SLC39A11: variants seen among roughly 807,000 people sequenced by gnomAD.
SLC39A11 encodes zinc transporter ZIP11.
Under a neutral mutation model 36.1 loss-of-function variants are expected in SLC39A11, and 33 were observed. That is an observed-to-expected ratio of 0.91 (90% CI 0.69 to 1.22). The LOEUF is 1.22. Among genes scored for constraint, SLC39A11 ranks in the 50% most tolerant of loss-of-function variants. The pLI is 0.00. For missense variants in SLC39A11, 432 were observed against 430.3 expected (o/e 1.00, Z -0.03); for synonymous variants, 166 against 170.3 (o/e 0.97, Z 0.20).
intron 6 of SLC39A11, among the ~76,000 whole-genome samples, chr17:72,799,280 A>T (rs191473222): frequency 1.3e-5 from 2 of 152,308 alleles, no homozygotes; most frequent in Admixed American, 6.5e-5. Context: ...GATGTATGTC[A>T]CCTCGGGACC....
intron 7 of SLC39A11, among the ~76,000 whole-genome samples, chr17:72,706,164 T>G (rs2072886326): frequency 6.6e-6 from 1 of 152,174 alleles, no homozygotes; most frequent in Admixed American, 6.5e-5. Flanking sequence ...CGTGTTTGTT[T>G]TCCTTCTGAT....
intron 4 of SLC39A11, among the ~76,000 whole-genome samples, chr17:72,951,434 T>C (rs934657818): frequency 6.6e-6 from 1 of 152,118 alleles, no homozygotes; most frequent in Non-Finnish European, 1.5e-5. Context: ...CTAGGAAGAC[T>C]CCCTGCTCAC....
chr17:72,982,248 G>C (rs1200647169), intron 4 of SLC39A11, among the ~76,000 whole-genome samples: 1 of 152,110 alleles, frequency 6.6e-6, no homozygotes, highest in Non-Finnish European at 1.5e-5. Flanking sequence ...GCTCAAGGAA[G>C]GGCAACTTGA....
At chr17:72,806,695 G>A (rs1474140122) in intron 6 of SLC39A11, among the ~76,000 whole-genome samples, 1 of 152,096 alleles carries the variant, frequency 6.6e-6, no homozygotes, top group Non-Finnish European at 1.5e-5. Context: ...TGATTCTCCC[G>A]CCTCAGCCTC....
intron 7 of SLC39A11, among the ~76,000 whole-genome samples, chr17:72,674,127 C>T (rs2071148820): frequency 6.6e-6 from 1 of 152,092 alleles, no homozygotes; most frequent in East Asian, 1.9e-4. Flanking sequence ...CCTCCTCACC[C>T]TTGTTCCCCA....
chr17:72,941,919 C>T (rs992558689), intron 5 of SLC39A11, among the ~76,000 whole-genome samples: 13 of 151,524 alleles, frequency 8.6e-5, no homozygotes, highest in African/African-American at 2.7e-4. Context: ...CTCACTCTGT[C>T]GCCCAGGCTG....
intron 3 of SLC39A11, among the ~76,000 whole-genome samples, chr17:73,042,647 A>G (rs1448571506): frequency 6.6e-6 from 1 of 152,176 alleles, no homozygotes; most frequent in African/African-American, 2.4e-5. Flanking sequence ...CTAAAAATAC[A>G]AAAATCAGCC....
intron 3 of SLC39A11, among the ~76,000 whole-genome samples, chr17:73,062,475 A>AAAAAAAAAAAAAAAAAAAACC (rs56021607): frequency 2.3e-4 from 20 of 87,044 alleles, no homozygotes; most frequent in Non-Finnish European, 4.1e-4. Flanking sequence ...AAAAAAAAAA[A>AAAAAAAAAAAAAAAAAAAACC]AAACTTTAGG....
chr17:72,850,800 T>C (rs964995023), intron 5 of SLC39A11, among the ~76,000 whole-genome samples: 1 of 152,144 alleles, frequency 6.6e-6, no homozygotes, highest in Non-Finnish European at 1.5e-5. Context: ...AAGTGCTGAT[T>C]GTATTGATGG....
intron 5 of SLC39A11, among the ~76,000 whole-genome samples, chr17:72,853,496 A>C (rs1246056885): frequency 6.6e-6 from 1 of 152,012 alleles, no homozygotes; most frequent in African/African-American, 2.4e-5. Context: ...CCGCACAGAG[A>C]GCAACAGACC....
intron 6 of SLC39A11, among the ~76,000 whole-genome samples, chr17:72,778,212 T>C (rs1358874579): frequency 6.6e-6 from 1 of 152,128 alleles, no homozygotes; most frequent in African/African-American, 2.4e-5. Context: ...GCCCATTGTC[T>C]CATTTATCCC....
chr17:72,877,823 ATTAT>A (rs1432864730), intron 5 of SLC39A11, among the ~76,000 whole-genome samples: 2 of 151,120 alleles, frequency 1.3e-5, no homozygotes, highest in Non-Finnish European at 2.9e-5. Flanking sequence ...ATTTATTATT[ATTAT>A]TATTATTATA....
At chr17:72,738,913 G>A (rs754971714) in intron 6 of SLC39A11, among the ~76,000 whole-genome samples, 3 of 152,164 alleles carry the variant, frequency 2.0e-5, no homozygotes, top group Non-Finnish European at 4.4e-5. Flanking sequence ...CTGGGGACAA[G>A]AAGGCAGCGG....
chr17:72,965,040 C>G (rs2466507), intron 4 of SLC39A11, among the ~76,000 whole-genome samples: 141,487 of 151,472 alleles, frequency 0.93, 66,373 homozygotes, highest in Middle Eastern at 0.99. Flanking sequence ...CTCATAGGTG[C>G]GAATTGAACA....
chr17:72,741,066 G>A (rs114376897), intron 6 of SLC39A11, among the ~76,000 whole-genome samples: 3,141 of 152,108 alleles, frequency 0.021, 103 homozygotes, highest in African/African-American at 0.071. Context: ...GAGCCACTGC[G>A]CCCCACCCAA....
chr17:72,707,961 G>T lies in SLC39A11; in HGVS notation c.671+28689C>A, dbSNP rs115718433. Among the ~76,000 whole-genome samples, 1,130 of 152,284 alleles carry T rather than the reference G, an allele frequency of 7.4e-3. 10 individuals are homozygous for T. The highest frequency in any genetic ancestry group is 0.025 in the African/African-American group (1,041 of 41,564). On this transcript the variant is annotated intron_variant, in intron 7 of 9. Transcript: ENST00000255559. ...CACATAATCAATTCTAATTTCTGCA[G>T]AACAATAACTACACTATAATAATTT...
At chr17:72,822,697 C>T (rs2077844056) in intron 6 of SLC39A11, among the ~76,000 whole-genome samples, 1 of 151,000 alleles carries the variant, frequency 6.6e-6, no homozygotes, top group Non-Finnish European at 1.5e-5. Flanking sequence ...GTGGCAAACA[C>T]TTCCAACCCT....
At chr17:72,733,707 G>A (rs943026890) in intron 7 of SLC39A11, among the ~76,000 whole-genome samples, 3 of 152,200 alleles carry the variant, frequency 2.0e-5, no homozygotes, top group African/African-American at 7.2e-5. Context: ...ATCTTACAGT[G>A]TCAGTGCCTT....
In SLC39A11 at chr17:72,689,522, G is replaced by A. The variant is rs925310671; in HGVS notation, c.672-40254C>T. Among the ~76,000 whole-genome samples the A allele has an allele frequency of 5.3e-5, 8 of 152,266 alleles. No individual in the cohort carries two copies. The South Asian group carries it at 1.5e-3, about 28-fold the overall frequency. ...GTTCATGTCAGCATTATTCACAATCGCCAAAAGGTAGAAACAACCCAATTG... is the reference window on the plus strand; with the variant it reads ...GTTCATGTCAGCATTATTCACAATCACCAAAAGGTAGAAACAACCCAATTG... On this transcript the variant is annotated intron_variant, in intron 7 of 9. Coordinates refer to ENST00000255559, the MANE Select transcript of SLC39A11 (RefSeq NM_139177.4).
Sources: gnomAD v4.1 joint callset for allele counts (sites outside exome capture counted in the v4.1 genomes callset) on GRCh38, gnomAD v4.1.1 for gene constraint, MANE v1.5 for transcripts, NCBI Gene and HGNC (gene_info 2026-07-23, HGNC 2026-07-21) for gene names.